TMOD3: variants seen among roughly 807,000 people sequenced by gnomAD.
TMOD3 encodes the protein tropomodulin-3.
TMOD3 carries 20 observed loss-of-function variants against 39.2 expected under a neutral mutation model. That is an observed-to-expected ratio of 0.51 (90% CI 0.36 to 0.74). The LOEUF (loss-of-function observed/expected upper bound fraction) is 0.74. Among genes scored for constraint, TMOD3 ranks in the 30% least tolerant of loss-of-function variants. TMOD3 has a pLI of 0.00. For synonymous variants in TMOD3, 143 were observed against 145.8 expected (o/e 0.98, Z 0.14); for missense variants, 381 against 412.8 (o/e 0.92, Z 0.67).
intron 1 of TMOD3, among the ~76,000 whole-genome samples, chr15:51,836,802 G>A (rs1157559237): frequency 6.6e-6 from 1 of 151,596 alleles, no homozygotes; most frequent in African/African-American, 2.4e-5. Context: ...CACCCTTTTT[G>A]AGCTATAAAG....
intron 4 of TMOD3, 60 bp from the exon 5 acceptor site, chr15:51,888,996 T>C: frequency 9.0e-7 from 1 of 1,106,098 alleles, no homozygotes; most frequent in Non-Finnish European, 1.3e-6. Context: ...GATAGAAATT[T>C]TTAGTTGTAA....
chr15:51,859,769 C>T (rs1202457136), intron 1 of TMOD3: 2 of 496,932 alleles, frequency 4.0e-6, no homozygotes, highest in Non-Finnish European at 8.1e-6. Context: ...CCACATTGTC[C>T]CAGAGTCTCT....
rs2056694782 is a variant in TMOD3 at position 51,908,724 on chromosome 15, T to C, written c.1025-52T>C. The C allele has an allele frequency of 1.0e-5, 15 of 1,477,610 alleles. No homozygotes were observed. In the South Asian group the frequency reaches 1.2e-4, roughly 11 times the overall value. 91.5% of individuals were successfully genotyped at this position (1,477,610 alleles called of 1,614,324 possible). A position where few individuals can be genotyped will look rare whatever the true frequency, so the allele number is the denominator to read the frequency against. ...CTTGCTTGTTATAAGCAAGTTACCA[T>C]TGTAAAAACTAATAGGGATTTCTAA... On this transcript the variant is annotated intron_variant, in intron 9 of 9. Transcript: ENST00000308580.
chr15:51,867,739 C>G (rs188360587), intron 2 of TMOD3, among the ~76,000 whole-genome samples: 152 of 152,292 alleles, frequency 1.0e-3, no homozygotes, highest in African/African-American at 3.6e-3. Context: ...CTGGCTGCCT[C>G]CCATTTTCAA....
At chr15:51,876,090 C>G (rs2056501610) in intron 3 of TMOD3, among the ~76,000 whole-genome samples, 1 of 152,070 alleles carries the variant, frequency 6.6e-6, no homozygotes. Flanking sequence ...GTTAATAGAG[C>G]CTATCTTTCT....
intron 2 of TMOD3, 133 bp downstream of exon 2, chr15:51,863,143 G>A (rs373935833): frequency 2.2e-6 from 2 of 901,286 alleles, no homozygotes; most frequent in African/African-American, 3.4e-5. Context: ...AAATCAAGTT[G>A]CTTTTGGCTC....
intron 2 of TMOD3, among the ~76,000 whole-genome samples, chr15:51,864,398 G>A (rs2056434887): frequency 6.6e-6 from 1 of 152,078 alleles, no homozygotes; most frequent in Non-Finnish European, 1.5e-5. Context: ...GCCTTGGAGG[G>A]ATGTTTAACA....
chr15:51,904,167 T>A (rs1440277303), intron 9 of TMOD3, among the ~76,000 whole-genome samples: 1 of 152,214 alleles, frequency 6.6e-6, no homozygotes, highest in Non-Finnish European at 1.5e-5. Flanking sequence ...AGTTTCTGAG[T>A]TCATCATTGT....
intron 6 of TMOD3, among the ~76,000 whole-genome samples, chr15:51,894,751 G>GTTT (rs2056612460): frequency 1.3e-5 from 2 of 152,164 alleles, no homozygotes; most frequent in African/African-American, 4.8e-5. Flanking sequence ...ATACGCTGCA[G>GTTT]TTTGTTTATC....
At chr15:51,893,268 C>T (rs2056603150) in intron 5 of TMOD3, among the ~76,000 whole-genome samples, 1 of 125,818 alleles carries the variant, frequency 7.9e-6, no homozygotes, top group South Asian at 2.5e-4. Flanking sequence ...GCACTCCAGC[C>T]TGGGTGGTAG....
chr15:51,906,570 T>A (rs1252024712), intron 9 of TMOD3, among the ~76,000 whole-genome samples: 2 of 152,244 alleles, frequency 1.3e-5, no homozygotes, highest in African/African-American at 4.8e-5. Flanking sequence ...ATCTTTACAC[T>A]AGTTAACTGC....
chr15:51,880,454 C>T (rs867636311), intron 3 of TMOD3, among the ~76,000 whole-genome samples: 1 of 152,128 alleles, frequency 6.6e-6, no homozygotes, highest in South Asian at 2.1e-4. Context: ...TTTTGGAACC[C>T]CAGAAAGAAA....
Position 51,911,530 on chromosome 15 carries a change from T to C in TMOD3, c.*2720T>C, listed in dbSNP as rs570869349. 2.6e-5 allele frequency: 4 copies of C among 152,342 alleles called. No individual in the cohort carries two copies. The East Asian group carries it at 7.7e-4, about 29-fold the overall frequency. 9.4% of individuals were successfully genotyped at this position (152,342 alleles called of 1,614,324 possible). On this transcript the variant is annotated 3_prime_UTR_variant, in exon 10 of 10. Coordinates refer to ENST00000308580, the MANE Select transcript of TMOD3 (RefSeq NM_014547.5). Reference sequence around the variant, plus strand: ...ATTTCTAAATTGCTCTAAAATTTTATAATAAATAGATTAGGGTTTTGCAAT... The same window carrying C: ...ATTTCTAAATTGCTCTAAAATTTTACAATAAATAGATTAGGGTTTTGCAAT...
At chr15:51,876,177 T>C (rs934364908) in intron 3 of TMOD3, among the ~76,000 whole-genome samples, 3 of 152,118 alleles carry the variant, frequency 2.0e-5, no homozygotes, top group Non-Finnish European at 2.9e-5. Flanking sequence ...GTTGTTGTTG[T>C]TGTTTGTAAG....
intron 1 of TMOD3, among the ~76,000 whole-genome samples, chr15:51,855,811 C>T (rs2056384879): frequency 6.6e-6 from 1 of 152,246 alleles, no homozygotes; most frequent in Non-Finnish European, 1.5e-5. Context: ...AAGCAAAGCA[C>T]TCCTTCCAGA....
rs576301811 is a variant in TMOD3, at chr15:51,833,949, A to G, written c.-75+4113A>G. Among the ~76,000 whole-genome samples, 23 of 152,248 alleles carry G rather than the reference A, an allele frequency of 1.5e-4. No homozygotes were observed. The South Asian group carries it at 4.1e-3, about 27-fold the overall frequency. On this transcript the variant is annotated intron_variant, in intron 1 of 9. Coordinates refer to ENST00000308580, the MANE Select transcript of TMOD3 (RefSeq NM_014547.5). ...ATTTTTAGTGTTGCCAATGTTTAGT[A>G]TTGTCAGCCTTTTCAATTTTAGTCA...
At chr15:51,841,343 G>T (rs2056311745) in intron 1 of TMOD3, among the ~76,000 whole-genome samples, 1 of 152,190 alleles carries the variant, frequency 6.6e-6, no homozygotes, top group South Asian at 2.1e-4. Context: ...GGTAATAATT[G>T]ATAGTTGTTG....
chr15:51,871,958 G>T (rs1160629296), intron 3 of TMOD3, among the ~76,000 whole-genome samples: 1 of 151,982 alleles, frequency 6.6e-6, no homozygotes, highest in Non-Finnish European at 1.5e-5. Context: ...TATTGTTTAT[G>T]GGCAGCTCTG....
intron 1 of TMOD3, chr15:51,860,777 A>C: frequency 2.7e-6 from 1 of 365,348 alleles, no homozygotes; most frequent in South Asian, 2.1e-5. Flanking sequence ...CTCTACTAAA[A>C]ATACAAAAAT....
Sources: allele counts gnomAD v4.1 joint callset (sites outside exome capture counted in the v4.1 genomes callset), GRCh38; gene constraint gnomAD v4.1.1; transcripts MANE v1.5; gene names NCBI Gene and HGNC (gene_info 2026-07-23, HGNC 2026-07-21).